Variants in DNAH10 observed in about 807,000 individuals in gnomAD.
The protein encoded by DNAH10 is axonemal beta dynein heavy chain 10.
A neutral mutation model predicts 506.6 loss-of-function variants in DNAH10; 348 were observed. The observed-to-expected ratio is 0.69, with a 90% CI of 0.63 to 0.75. DNAH10 has a LOEUF of 0.75. Ranked by LOEUF, DNAH10 falls within the 30% of genes least tolerant of loss-of-function variation. The pLI, the probability that DNAH10 is intolerant of heterozygous loss-of-function variation, is 0.00. For synonymous variants in DNAH10, 2,059 were observed against 2,198.6 expected (o/e 0.94, Z 1.78); for missense variants, 5,179 against 5,787.1 (o/e 0.89, Z 3.41).
intron 47 of DNAH10, 93 bp downstream of exon 47, chr12:123,875,584 G>T: frequency 6.8e-7 from 1 of 1,476,958 alleles, no homozygotes; most frequent in South Asian, 1.3e-5. Flanking sequence ...GCACAGCAGG[G>T]TTAGGGCCCT....
At position 123,930,516 on chromosome 12, in the gene DNAH10, C is replaced by T. The variant is rs771459031; in HGVS notation, c.12727C>T (p.Arg4243Trp). 15 of 1,609,700 alleles carry T rather than the reference C, an allele frequency of 9.3e-6. No homozygotes were observed. Among genetic ancestry groups the T allele is most frequent in the Admixed American group, 8.5e-5 (5 of 58,850 alleles). The change falls in exon 73 of 79, where the codon CGG becomes TGG. Residue 4243 changes from arginine to tryptophan, a missense_variant. Arg to Trp is a moderately radical substitution (Grantham distance 101). Coordinates refer to ENST00000673944, the MANE Select transcript of DNAH10 (RefSeq NM_001372106.1). The stretch of plus-strand genomic sequence containing the variant: ...TACTTTCCAGCCATTCCACTTCTTC[C>T]GGAACAAGGAAGTGGACTACAAAAT... ...FDTFQPFHFF[R>W]NKEVDYKIPV... is the part of the protein sequence containing the mutation.
chr12:123,931,263 G>A, intron 73 of DNAH10, 78 bp from the exon 74 acceptor site: 2 of 1,572,028 alleles, frequency 1.3e-6, no homozygotes, highest in East Asian at 4.5e-5. Context: ...TGCATGTCTT[G>A]GAGACTTTGA....
At chr12:123,933,651 C>T (rs1019573458) in intron 77 of DNAH10, 140 bp downstream of exon 77, 23 of 990,396 alleles carry the variant, frequency 2.3e-5, no homozygotes, top group Non-Finnish European at 3.0e-5. Flanking sequence ...GCAAATATTT[C>T]CTGTGTCTCT....
At chr12:123,795,141 C>T (rs1270025192) in intron 12 of DNAH10, among the ~76,000 whole-genome samples, 2 of 92,782 alleles carry the variant, frequency 2.2e-5, no homozygotes, top group African/African-American at 1.0e-4. Flanking sequence ...AGTGAAACTT[C>T]GTCTCAAAAA....
chr12:123,812,217 C>T (rs149025123), intron 19 of DNAH10, among the ~76,000 whole-genome samples: 2,191 of 152,046 alleles, frequency 0.014, 47 homozygotes, highest in African/African-American at 0.043. Flanking sequence ...TTTGGGAGGC[C>T]GAGGTGGGCG....
chr12:123,870,964 A>G (rs1952008063), intron 44 of DNAH10, among the ~76,000 whole-genome samples: 1 of 152,202 alleles, frequency 6.6e-6, no homozygotes, highest in African/African-American at 2.4e-5. Context: ...TTCAGGTAAA[A>G]TATGGGCTGA....
chr12:123,929,088 T>G (rs1407222802), intron 70 of DNAH10, 187 bp from the exon 71 acceptor site: 3 of 634,694 alleles, frequency 4.7e-6, no homozygotes, highest in Non-Finnish European at 5.4e-6. Context: ...CCCTTGACCC[T>G]GAGAGCCAGA....
rs1250065913 is a variant in DNAH10 at position 123,853,848 on chromosome 12, ACACACGCACGCG to A, written c.6438+502_6438+513del. On this transcript the variant is annotated intron_variant, in intron 36 of 78. Coordinates refer to ENST00000673944, the MANE Select transcript of DNAH10 (RefSeq NM_001372106.1). The surrounding 1 kb of genome is among the most constrained non-coding windows in gnomAD (Gnocchi z 4.7). ...CACGCACACACACGCACACGCACGG[ACACACGCACGCG>A]CACACACACACGGATACATGCACGC... Among the ~76,000 whole-genome samples the A allele has an allele frequency of 1.5e-5, 2 of 137,492 alleles. No individual in the cohort carries two copies. The highest frequency in any genetic ancestry group is 3.3e-5 in the Non-Finnish European group (2 of 61,214). 90.2% of individuals were successfully genotyped at this position (137,492 alleles called of 152,430 possible). A position where few individuals can be genotyped will look rare whatever the true frequency, so the allele number is the denominator to read the frequency against.
chr12:123,784,823 G>T (rs1435861803), intron 8 of DNAH10, among the ~76,000 whole-genome samples: 1 of 152,180 alleles, frequency 6.6e-6, no homozygotes, highest in African/African-American at 2.4e-5. Flanking sequence ...CATATAAGGG[G>T]AGTCATGCAG....
At chr12:123,890,991 G>A (rs528307662) in intron 52 of DNAH10, among the ~76,000 whole-genome samples, 22 of 152,240 alleles carry the variant, frequency 1.4e-4, no homozygotes, top group Admixed American at 3.9e-4. Flanking sequence ...TGGGGCTGCC[G>A]TCACAAAATG....
chr12:123,813,534 T>C lies in DNAH10; in HGVS notation c.3515T>C (p.Leu1172Pro). 1 of 1,614,214 alleles carries C rather than the reference T, an allele frequency of 6.2e-7. No homozygotes were observed. The highest frequency in any genetic ancestry group is 8.5e-7 in the Non-Finnish European group (1 of 1,180,044). Reference protein sequence around the residue: ...EHCIRLQLRHLANTVQENAKS... With the variant: ...EHCIRLQLRHPANTVQENAKS... Reference sequence around the variant, plus strand: ...TGCATCAGACTTCAGCTCAGGCATCTGGCAAACACAGTGCAGGAAAATGCC... The same window carrying C: ...TGCATCAGACTTCAGCTCAGGCATCCGGCAAACACAGTGCAGGAAAATGCC... Residue 1172 changes from leucine (L) to proline (P), a missense_variant, in exon 20 of 79, where the codon CTG becomes CCG. This residue lies in a region of DNAH10 where 4,844 missense variants were observed against 5,430.5 expected (regional missense o/e 0.89). Coordinates refer to ENST00000673944, the MANE Select transcript of DNAH10 (RefSeq NM_001372106.1).
At chr12:123,824,667 C>T (rs1211762709) in intron 24 of DNAH10, among the ~76,000 whole-genome samples, 2 of 152,160 alleles carry the variant, frequency 1.3e-5, no homozygotes, top group African/African-American at 2.4e-5. Context: ...CTTCTTCTTG[C>T]CTCTTCCAGC....
chr12:123,897,203 T>C (rs576880709), intron 54 of DNAH10, among the ~76,000 whole-genome samples: 1 of 152,364 alleles, frequency 6.6e-6, no homozygotes, highest in South Asian at 2.1e-4. Flanking sequence ...AAGTGAATAC[T>C]ATCCCCGGTA....
chr12:123,862,063 C>T (rs1566009900), intron 39 of DNAH10, among the ~76,000 whole-genome samples: 1 of 152,194 alleles, frequency 6.6e-6, no homozygotes, highest in Non-Finnish European at 1.5e-5. Flanking sequence ...TAGATTCAGG[C>T]CATGGCTGTT....
chr12:123,934,950 G>A (rs1295305160), intron 78 of DNAH10, 184 bp downstream of exon 78: 2 of 755,906 alleles, frequency 2.6e-6, no homozygotes, highest in African/African-American at 1.8e-5. Flanking sequence ...AGGCGCGGCT[G>A]TATGTGTGTG....
intron 12 of DNAH10, among the ~76,000 whole-genome samples, chr12:123,796,034 C>A (rs567622744): frequency 1.7e-4 from 26 of 152,052 alleles, no homozygotes; most frequent in Non-Finnish European, 3.2e-4. Context: ...TAAAAAAAAA[C>A]CAAAGGTCTG....
chr12:123,931,546 G>A, intron 74 of DNAH10, 74 bp downstream of exon 74: 3 of 1,605,976 alleles, frequency 1.9e-6, no homozygotes, highest in Non-Finnish European at 2.6e-6. Flanking sequence ...CTCCCACGTT[G>A]CTGATGCCTT....
Position 123,859,050 on chromosome 12 carries a change from CT to C in DNAH10, c.6631-97del, listed in dbSNP as rs552852247. 3.0e-5 allele frequency: 34 copies of C among 1,124,694 alleles called. No homozygotes were observed. The East Asian group carries it at 8.0e-4, about 26-fold the overall frequency. The allele number at this position is 1,124,694 out of a possible 1,614,324, so 69.7% of individuals were successfully genotyped here. On this transcript the variant is annotated intron_variant, in intron 37 of 78. Transcript: ENST00000673944. The stretch of plus-strand genomic sequence containing the variant: ...ATACTGGAAACCATTGACTTGTACC[CT>C]TTCAAAGGTAAATTGTATGGCGTGT...
intron 54 of DNAH10, among the ~76,000 whole-genome samples, chr12:123,895,581 C>T (rs113088674): frequency 5.7e-4 from 87 of 152,242 alleles, no homozygotes; most frequent in African/African-American, 2.0e-3. Flanking sequence ...ATAGACAATA[C>T]GTAAATGAAT....
Sources: allele counts gnomAD v4.1 joint callset (sites outside exome capture counted in the v4.1 genomes callset), GRCh38; gene constraint gnomAD v4.1.1; regional missense constraint gnomAD v4.1.1; non-coding constraint Gnocchi (gnomAD v3.1); transcripts MANE v1.5; gene names NCBI Gene and HGNC (gene_info 2026-07-23, HGNC 2026-07-21).